TOMM20: variants seen among roughly 807,000 people sequenced by gnomAD.
TOMM20 encodes the protein translocase of outer mitochondrial membrane 20, also known as mitochondrial import receptor subunit TOM20 homolog.
Under a neutral mutation model 22.1 loss-of-function variants are expected in TOMM20, and 10 were observed. The observed-to-expected ratio is 0.45, with a 90% CI of 0.28 to 0.77. The LOEUF (loss-of-function observed/expected upper bound fraction) is 0.77, where lower values mean the gene tolerates loss of function less well. Among genes scored for constraint, TOMM20 ranks in the 30% least tolerant of loss-of-function variants. The pLI, the probability that TOMM20 is intolerant of heterozygous loss-of-function variation, is 0.13. For synonymous variants in TOMM20, 55 were observed against 61.4 expected (o/e 0.90, Z 0.49); for missense variants, 121 against 172.2 (o/e 0.70, Z 1.66).
chr1:235,112,183 T>C, intron 4 of TOMM20, 75 bp from the exon 5 acceptor site: 1 of 1,169,764 alleles, frequency 8.5e-7, no homozygotes, highest in Non-Finnish European at 1.2e-6. Flanking sequence ...AATAAAATGC[T>C]CTTTGTATTC....
chr1:235,128,487 C>G, intron 1 of TOMM20, 108 bp downstream of exon 1: 2 of 1,548,636 alleles, frequency 1.3e-6, no homozygotes, highest in South Asian at 2.4e-5. Context: ...GGCCGCACCA[C>G]GCGGTCGCCC....
intron 1 of TOMM20, among the ~76,000 whole-genome samples, chr1:235,127,395 T>G (rs993568324): frequency 2.6e-5 from 4 of 152,208 alleles, no homozygotes; most frequent in Non-Finnish European, 5.9e-5. Context: ...AGTATTCTAT[T>G]AGTCTGCCTA....
intron 3 of TOMM20, among the ~76,000 whole-genome samples, chr1:235,116,247 T>C (rs1159166883): frequency 6.6e-6 from 1 of 151,238 alleles, no homozygotes; most frequent in Non-Finnish European, 1.5e-5. Flanking sequence ...CTACTAAAAA[T>C]ACAAAAATTA....
intron 4 of TOMM20, 98 bp downstream of exon 4, chr1:235,113,670 T>TAAAC: frequency 6.9e-7 from 1 of 1,439,994 alleles, no homozygotes; most frequent in Non-Finnish European, 9.4e-7. Flanking sequence ...TACAGATAAG[T>TAAAC]TTATTTCATC....
At chr1:235,126,140 C>G (rs1661016302) in intron 1 of TOMM20, among the ~76,000 whole-genome samples, 1 of 151,130 alleles carries the variant, frequency 6.6e-6, no homozygotes, top group South Asian at 2.1e-4. Flanking sequence ...CACACACACA[C>G]ACGTATATTT....
At position 235,112,526 on chromosome 1, in the gene TOMM20, G is replaced by C. The variant is rs540591369; in HGVS notation, c.394-418C>G. 3.9e-4 allele frequency among the ~76,000 whole-genome samples: 59 copies of C among 151,698 alleles called. 1 individual carries two copies. The highest frequency in any genetic ancestry group is 1.4e-3 in the African/African-American group (58 of 41,334). On this transcript the variant is annotated intron_variant, in intron 4 of 4. Transcript: ENST00000366607. Reference sequence around the variant, plus strand: ...CCGGCTAATTTTTTTTTTATTTTTGGTGCAGACAGGGTTTTACCATGTTGC... The same window carrying C: ...CCGGCTAATTTTTTTTTTATTTTTGCTGCAGACAGGGTTTTACCATGTTGC...
intron 2 of TOMM20, 86 bp from the exon 3 acceptor site, chr1:235,119,985 A>G: frequency 1.2e-6 from 1 of 806,516 alleles, no homozygotes. Context: ...ATAAAACAAC[A>G]AAAAACCAAA....
At chr1:235,121,063 G>A (rs1660924410) in intron 2 of TOMM20, among the ~76,000 whole-genome samples, 1 of 151,982 alleles carries the variant, frequency 6.6e-6, no homozygotes, top group Non-Finnish European at 1.5e-5. Flanking sequence ...GCTGGGCATG[G>A]TGACATGCAC....
intron 1 of TOMM20, among the ~76,000 whole-genome samples, chr1:235,126,985 A>T (rs1661035441): frequency 1.3e-5 from 2 of 152,248 alleles, no homozygotes; most frequent in Non-Finnish European, 2.9e-5. Flanking sequence ...TCCAGAAAAA[A>T]CAATTTTAGA....
intron 1 of TOMM20, among the ~76,000 whole-genome samples, chr1:235,125,882 T>G (rs1661008773): frequency 1.3e-5 from 2 of 151,598 alleles, no homozygotes; most frequent in Middle Eastern, 6.8e-3. Context: ...CCCAAGTAGC[T>G]GGGACTACAG....
intron 1 of TOMM20, 51 bp downstream of exon 1, chr1:235,128,544 G>A (rs1381747372): frequency 2.5e-6 from 4 of 1,610,510 alleles, no homozygotes; most frequent in Non-Finnish European, 2.5e-6. Flanking sequence ...TCCTGTGAAG[G>A]GCGGCGGCCG....
chr1:235,125,993 T>A (rs1054842486), intron 1 of TOMM20, among the ~76,000 whole-genome samples: 1 of 151,754 alleles, frequency 6.6e-6, no homozygotes, highest in Non-Finnish European at 1.5e-5. Context: ...CCTGACCTCA[T>A]GATCTTCCCA....
chr1:235,117,301 G>A (rs140659482), intron 3 of TOMM20, among the ~76,000 whole-genome samples: 2 of 145,868 alleles, frequency 1.4e-5, no homozygotes, highest in East Asian at 4.1e-4. Context: ...ACCAAAAATA[G>A]GAAAAAATTA....
At chr1:235,128,018 A>G (rs916437136) in intron 1 of TOMM20, 7 of 378,846 alleles carry the variant, frequency 1.8e-5, no homozygotes, top group African/African-American at 1.3e-4. Context: ...TCTACTAAAC[A>G]CAAAAAATCA....
rs966348212 is a variant in TOMM20, at chr1:235,111,415, T to C, written c.*649A>G. ...TAGGGGTGTACAGAAATCTAATTCC[T>C]GGTGCTATTTGCAACTACATATATT... On this transcript the variant is annotated 3_prime_UTR_variant, in exon 5 of 5. Coordinates refer to ENST00000366607, the MANE Select transcript of TOMM20 (RefSeq NM_014765.3). The C allele has an allele frequency of 6.6e-6, 1 of 152,448 alleles. No homozygotes were observed. Among genetic ancestry groups the C allele is most frequent in the African/African-American group, 2.4e-5 (1 of 41,452 alleles). The allele number at this position is 152,448 out of a possible 1,614,324, so 9.4% of individuals were successfully genotyped here. A position where few individuals can be genotyped will look rare whatever the true frequency, so the allele number is the denominator to read the frequency against.
At position 235,117,134 on chromosome 1, in the gene TOMM20, CAAAAAAAAAAA is replaced by C. The variant is rs869235889; in HGVS notation, c.250+2673_250+2683del. Among the ~76,000 whole-genome samples, 33 of 30,392 alleles carry C rather than the reference CAAAAAAAAAAA, an allele frequency of 1.1e-3. 1 individual carries two copies. Among genetic ancestry groups the C allele is most frequent in the Admixed American group, 5.5e-3 (10 of 1,806 alleles). 19.9% of individuals were successfully genotyped at this position (30,392 alleles called of 152,430 possible). A position where few individuals can be genotyped will look rare whatever the true frequency, so the allele number is the denominator to read the frequency against. On this transcript the variant is annotated intron_variant, in intron 3 of 4. Transcript: ENST00000366607. ...TGGGCGACAGAGCGAGACTCCATCTCAAAAAAAAAAAAAAAAAAAAAAAAAAAAAAAGAGTA... is the reference window on the plus strand; with the variant it reads ...TGGGCGACAGAGCGAGACTCCATCTCAAAAAAAAAAAAAAAAAAAAGAGTA...
rs370929791 is a variant in TOMM20, at chr1:235,116,966, T to C, written c.250+2852A>G. Among the ~76,000 whole-genome samples the C allele has an allele frequency of 5.1e-4, 76 of 148,160 alleles. No homozygotes were observed. In the East Asian group the frequency reaches 7.1e-3, roughly 14 times the overall value. Reference sequence around the variant, plus strand: ...CTGGCTAACATGGTGAAACCCCGTCTCTACTAAAAATACAAAAAACTAGCC... The same window carrying C: ...CTGGCTAACATGGTGAAACCCCGTCCCTACTAAAAATACAAAAAACTAGCC... On this transcript the variant is annotated intron_variant, in intron 3 of 4. Transcript: ENST00000366607.
rs546864860 is a variant in TOMM20, at chr1:235,113,748, A to G, written c.393+20T>C. The G allele has an allele frequency of 1.3e-6, 2 of 1,594,892 alleles. No individual in the cohort carries two copies. The highest frequency in any genetic ancestry group is 1.8e-5 in the Admixed American group (1 of 55,892). On this transcript the variant is annotated intron_variant, in intron 4 of 4. Coordinates refer to ENST00000366607, the MANE Select transcript of TOMM20 (RefSeq NM_014765.3). ...TCTAAATCCCACTCACTTTTATGTCATAACATTCCAATTCCTTACCTGACT... is the reference window on the plus strand; with the variant it reads ...TCTAAATCCCACTCACTTTTATGTCGTAACATTCCAATTCCTTACCTGACT...
At chr1:235,125,914 T>C (rs1661009319) in intron 1 of TOMM20, among the ~76,000 whole-genome samples, 1 of 150,650 alleles carries the variant, frequency 6.6e-6, no homozygotes, top group Non-Finnish European at 1.5e-5. Flanking sequence ...CACGCCCAGC[T>C]AATTTTTTTT....
Sources: gnomAD v4.1 joint callset for allele counts (sites outside exome capture counted in the v4.1 genomes callset) on GRCh38, gnomAD v4.1.1 for gene constraint, MANE v1.5 for transcripts, NCBI Gene and HGNC (gene_info 2026-07-23, HGNC 2026-07-21) for gene names.